FSTL4: variants seen among roughly 807,000 people sequenced by gnomAD.
FSTL4 encodes the protein follistatin-related protein 4.
FSTL4 carries 28 observed loss-of-function variants against 78.2 expected under a neutral mutation model. That is an observed-to-expected ratio of 0.36 (90% CI 0.27 to 0.49). The LOEUF is 0.49. Ranked by LOEUF, FSTL4 falls within the 20% of genes least tolerant of loss-of-function variation. FSTL4 has a pLI of 0.98. For missense variants in FSTL4, 922 were observed against 1,084.9 expected, an observed-to-expected ratio of 0.85 and a Z score of 2.11; for synonymous variants, 422 against 440.5, an observed-to-expected ratio of 0.96 and a Z score of 0.53.
chr5:133,687,250 G>C, the FSTL4 span, among the ~76,000 whole-genome samples: 1 of 152,164 alleles, frequency 6.6e-6, no homozygotes. Context: ...CTGCGTGATA[G>C]AAATACTAAG....
At chr5:133,372,269 G>GTATGTATGTATGTATGTATGTATC (rs143392836) in intron 4 of FSTL4, among the ~76,000 whole-genome samples, 121 of 143,028 alleles carry the variant, frequency 8.5e-4, no homozygotes, top group Non-Finnish European at 1.1e-3. Context: ...ATGTATGTAT[G>GTATGTATGTATGTATGTATGTATC]TATCTATCTA....
chr5:133,707,444 C>A, the FSTL4 span, among the ~76,000 whole-genome samples: 1 of 152,148 alleles, frequency 6.6e-6, no homozygotes, highest in Non-Finnish European at 1.5e-5. Context: ...CTAAATGCAA[C>A]AATAAAACCA....
At chr5:133,636,403 T>C in the FSTL4 span, among the ~76,000 whole-genome samples, 2 of 151,262 alleles carry the variant, frequency 1.3e-5, no homozygotes, top group East Asian at 3.9e-4. Context: ...TTTGAGGACA[T>C]AGGCAGGGTC....
At chr5:133,334,243 C>T (rs1213099172) in intron 4 of FSTL4, among the ~76,000 whole-genome samples, 1 of 152,254 alleles carries the variant, frequency 6.6e-6, no homozygotes, top group Non-Finnish European at 1.5e-5. Flanking sequence ...AGCTTCCAGT[C>T]ACAGTTGGCG....
intron 6 of FSTL4, among the ~76,000 whole-genome samples, chr5:133,307,970 C>T (rs13360043): frequency 0.11 from 16,614 of 151,966 alleles, 1,626 homozygotes; most frequent in African/African-American, 0.26. Context: ...TTAGTAGAGA[C>T]GGGGTTTCAC....
chr5:133,395,493 C>G (rs1561700500), intron 4 of FSTL4, among the ~76,000 whole-genome samples: 1 of 152,372 alleles, frequency 6.6e-6, no homozygotes, highest in South Asian at 2.1e-4. Context: ...GTAACACTCA[C>G]CGCGCGGGTC....
chr5:133,788,376 G>A, the FSTL4 span, among the ~76,000 whole-genome samples: 5 of 152,226 alleles, frequency 3.3e-5, no homozygotes, highest in Non-Finnish European at 7.3e-5. Flanking sequence ...AGGATGACGG[G>A]ACCACTGTAA....
chr5:133,414,620 A>G (rs1756540558), intron 3 of FSTL4, among the ~76,000 whole-genome samples: 1 of 152,250 alleles, frequency 6.6e-6, no homozygotes, highest in Non-Finnish European at 1.5e-5. Context: ...TACCAAGCAC[A>G]TCAGTGTTTA....
At chr5:133,551,991 C>A (rs1389888356) in intron 3 of FSTL4, among the ~76,000 whole-genome samples, 1 of 152,104 alleles carries the variant, frequency 6.6e-6, no homozygotes, top group Admixed American at 6.5e-5. Context: ...GCACAAATAT[C>A]AAAAAATAAG....
intron 6 of FSTL4, among the ~76,000 whole-genome samples, chr5:133,271,098 C>T (rs1421323860): frequency 6.6e-6 from 1 of 152,300 alleles, no homozygotes; most frequent in African/African-American, 2.4e-5. Flanking sequence ...TCTGCTTGCC[C>T]GTCTTGAAGG....
At chr5:133,442,213 A>C (rs1757173441) in intron 3 of FSTL4, among the ~76,000 whole-genome samples, 1 of 152,216 alleles carries the variant, frequency 6.6e-6, no homozygotes, top group Non-Finnish European at 1.5e-5. Context: ...GTTAAATCCT[A>C]CATGTCCGTG....
At position 133,317,231 on chromosome 5, in the gene FSTL4, G is replaced by A. The variant is rs115625021; in HGVS notation, c.410-579C>T. Among the ~76,000 whole-genome samples the A allele has an allele frequency of 5.2e-3, 787 of 152,350 alleles. 3 individuals carry two copies. Among genetic ancestry groups the A allele is most frequent in the Non-Finnish European group, 9.0e-3 (613 of 68,036 alleles). On this transcript the variant is annotated intron_variant, in intron 4 of 15. Transcript: ENST00000265342. ...AAAGAAGCTTTACAACGTTAAAACC[G>A]AAGCACACAGCTCGTTTTATCCCAG...
At chr5:133,794,264 C>T in the FSTL4 span, among the ~76,000 whole-genome samples, 1 of 152,236 alleles carries the variant, frequency 6.6e-6, no homozygotes, top group Non-Finnish European at 1.5e-5. Context: ...TGCCAGGGGG[C>T]CACCACTGTG....
At chr5:133,345,926 T>A (rs1401867715) in intron 4 of FSTL4, among the ~76,000 whole-genome samples, 1 of 152,192 alleles carries the variant, frequency 6.6e-6, no homozygotes, top group African/African-American at 2.4e-5. Context: ...TATTCTACTA[T>A]AAAGACACAT....
chr5:133,517,793 T>C (rs1362815068), intron 3 of FSTL4, among the ~76,000 whole-genome samples: 1 of 151,892 alleles, frequency 6.6e-6, no homozygotes, highest in Non-Finnish European at 1.5e-5. Context: ...CAGGGTAGGC[T>C]GGCAGGCTGA....
At chr5:133,620,361 T>A in the FSTL4 span, among the ~76,000 whole-genome samples, 4 of 152,226 alleles carry the variant, frequency 2.6e-5, no homozygotes, top group Non-Finnish European at 5.9e-5. Context: ...AAAACCAAAC[T>A]GAATATAATT....
the FSTL4 span, among the ~76,000 whole-genome samples, chr5:133,811,126 TC>T: frequency 6.6e-6 from 1 of 152,154 alleles, no homozygotes; most frequent in Non-Finnish European, 1.5e-5. Flanking sequence ...CCTGTCCAGC[TC>T]TATTTCCCTT....
At chr5:133,478,239 T>A (rs537406405) in intron 3 of FSTL4, among the ~76,000 whole-genome samples, 5 of 152,242 alleles carry the variant, frequency 3.3e-5, no homozygotes, top group Admixed American at 6.5e-5. Context: ...GCCCACATTG[T>A]GGCCCCATTT....
At chr5:133,665,332 C>A in the FSTL4 span, among the ~76,000 whole-genome samples, 1 of 152,180 alleles carries the variant, frequency 6.6e-6, no homozygotes, top group Non-Finnish European at 1.5e-5. Context: ...GGAATCAATT[C>A]GGTCCTCTTC....
Sources: allele counts gnomAD v4.1 joint callset (sites outside exome capture counted in the v4.1 genomes callset), GRCh38; gene constraint gnomAD v4.1.1; transcripts MANE v1.5; gene names NCBI Gene and HGNC (gene_info 2026-07-23, HGNC 2026-07-21).